HEPH: variants seen among roughly 807,000 people sequenced by gnomAD.
HEPH encodes hephaestin.
In HEPH, 69 loss-of-function variants were observed where a neutral mutation model predicts 80.8. The observed-to-expected ratio is 0.85, with a 90% confidence interval of 0.70 to 1.04. The LOEUF is 1.04. HEPH is among the 50% of genes least tolerant of loss of function. HEPH has a pLI of 0.00. For missense variants in HEPH, 1,115 were observed against 891.3 expected (o/e 1.25, Z -3.20); for synonymous variants, 431 against 322.8 (o/e 1.34, Z -3.60).
downstream of HEPH, chrX:66,268,093 A>G (rs1310816106): frequency 2.7e-5 from 3 of 112,287 alleles, no homozygotes; most frequent in Non-Finnish European, 5.6e-5. Context: ...GCTTATGGAC[A>G]TTAAGTAACT....
intron 20 of HEPH, among the ~76,000 whole-genome samples, chrX:66,264,398 T>A (rs2148250577): frequency 9.2e-6 from 1 of 109,185 alleles, no homozygotes; most frequent in African/African-American, 3.3e-5. Context: ...CATATGTTCT[T>A]CAACAGCTAT....
intron 15 of HEPH, among the ~76,000 whole-genome samples, chrX:66,223,965 C>T (rs1450609503): frequency 9.0e-6 from 1 of 111,448 alleles, no homozygotes; most frequent in Non-Finnish European, 1.9e-5. Flanking sequence ...CTTCGACATG[C>T]CTTAACTTTC....
At chrX:66,188,014 T>C (rs2087563567) in intron 4 of HEPH, among the ~76,000 whole-genome samples, 1 of 110,955 alleles carries the variant, frequency 9.0e-6, no homozygotes, top group Admixed American at 9.6e-5. Flanking sequence ...CATCAGGGTT[T>C]TGGAGGATTT....
At chrX:66,188,681 C>A (rs776425251) in intron 5 of HEPH, 140 bp downstream of exon 5, 5 of 471,321 alleles carry the variant, frequency 1.1e-5, no homozygotes, top group African/African-American at 4.9e-5. Context: ...ATGGCTCTTC[C>A]CTGTTTTACA....
At position 66,255,066 on chromosome X, in the gene HEPH, A is replaced by T; in HGVS notation, c.2595A>T (p.Pro865=). 1.7e-6 allele frequency: 2 copies of T among 1,207,570 alleles called. No individual in the cohort carries two copies. Among genetic ancestry groups the T allele is most frequent in the South Asian group, 3.5e-5 (2 of 56,391 alleles). ...GEVVTYQWNI[P]ERSGPGPNDS... ...TGGTCACTTATCAGTGGAACATCCC[A>T]GAGAGGTCTGGCCCTGGGCCCAATG... is the stretch of plus-strand genomic sequence containing the variant. Residue 865 remains proline, a synonymous_variant, in exon 16 of 21, where the codon CCA becomes CCT. Coordinates refer to ENST00000343002, the MANE Select transcript of HEPH (RefSeq NM_001367233.3).
intron 1 of HEPH, among the ~76,000 whole-genome samples, chrX:66,164,768 T>G (rs971523552): frequency 8.9e-6 from 1 of 112,190 alleles, no homozygotes; most frequent in Admixed American, 9.5e-5. Context: ...TTTCACAGGT[T>G]GAGGAATTTA....
intron 15 of HEPH, among the ~76,000 whole-genome samples, chrX:66,237,400 T>G (rs1342845484): frequency 8.9e-6 from 1 of 112,185 alleles, no homozygotes; most frequent in Admixed American, 9.5e-5. Flanking sequence ...AAAAAGTCAT[T>G]CAGAAGCAGG....
chrX:66,208,631 CATATATATATATATATATATAT>C (rs56924616), intron 15 of HEPH, among the ~76,000 whole-genome samples: 921 of 35,116 alleles, frequency 0.026, 29 homozygotes, highest in African/African-American at 0.056. Context: ...TATATACATA[CATATATATATATATATATATAT>C]ATATATATAT....
Position 66,255,146 on chromosome X carries a change from A to G in HEPH, c.2670+5A>G, listed in dbSNP as rs200900882. ...TCTGCAGTGGATCCCATCAAGGTAAATACAAGATTGGCTACCTGGAGGTGG... is the reference window on the plus strand; with the variant it reads ...TCTGCAGTGGATCCCATCAAGGTAAGTACAAGATTGGCTACCTGGAGGTGG... On this transcript the variant is annotated splice_donor_5th_base_variant and intron_variant, in intron 16 of 20. Transcript: ENST00000343002. 5.6e-4 allele frequency: 646 copies of G among 1,158,922 alleles called. 2 individuals are homozygous for G. Among genetic ancestry groups the G allele is most frequent in the Non-Finnish European group, 7.1e-4 (607 of 853,103 alleles).
intron 13 of HEPH, among the ~76,000 whole-genome samples, chrX:66,205,880 A>T (rs982890322): frequency 9.0e-6 from 1 of 111,273 alleles, no homozygotes; most frequent in South Asian, 3.8e-4. Context: ...AAAATGATGC[A>T]GTATAAGATG....
At chrX:66,213,848 G>A (rs1320168714) in intron 15 of HEPH, among the ~76,000 whole-genome samples, 3 of 112,226 alleles carry the variant, frequency 2.7e-5, no homozygotes, top group Non-Finnish European at 5.6e-5. Context: ...CAATAGCAAT[G>A]GGAATACAGA....
chrX:66,262,505 G>A (rs2091401929), intron 19 of HEPH, among the ~76,000 whole-genome samples: 1 of 111,689 alleles, frequency 9.0e-6, no homozygotes, highest in Non-Finnish European at 1.9e-5. Context: ...GCCACTCTGG[G>A]GGATGGGAAA....
chrX:66,250,704 G>T (rs1010268480), intron 15 of HEPH, among the ~76,000 whole-genome samples: 1 of 111,741 alleles, frequency 8.9e-6, no homozygotes, highest in Admixed American at 9.5e-5. Flanking sequence ...TTCACTCAGC[G>T]TAATTCTCTG....
At chrX:66,188,758 G>A (rs112534202) in intron 5 of HEPH, among the ~76,000 whole-genome samples, 1 of 112,311 alleles carries the variant, frequency 8.9e-6, no homozygotes, top group Non-Finnish European at 1.9e-5. Context: ...TCCAACCTTG[G>A]TCTCTCTGAC....
chrX:66,211,875 G>A (rs1602360374), intron 15 of HEPH, among the ~76,000 whole-genome samples: 1 of 111,455 alleles, frequency 9.0e-6, no homozygotes, highest in South Asian at 3.7e-4. Flanking sequence ...TTGCTGGATT[G>A]AATAGTAATT....
In HEPH at chrX:66,203,501, G is replaced by T. The variant is rs779347437; in HGVS notation, c.2215G>T (p.Ala739Ser). 3 of 1,211,872 alleles carry T rather than the reference G, an allele frequency of 2.5e-6. No homozygotes were observed. The South Asian group carries it at 5.3e-5, about 21-fold the overall frequency. ...YQAARIYYIM[A>S]EEVEWDYCPD... ...AGCTGCAAGAATCTACTATATCATGGCAGAAGAAGTAGAGTGGGACTATTG... is the reference window on the plus strand; with the variant it reads ...AGCTGCAAGAATCTACTATATCATGTCAGAAGAAGTAGAGTGGGACTATTG... The change falls in exon 13 of 21, where the codon GCA (alanine) becomes TCA (serine). Residue 739 changes from alanine to serine, a missense_variant. Coordinates refer to ENST00000343002, the MANE Select transcript of HEPH (RefSeq NM_001367233.3).
chrX:66,164,430 G>T lies in HEPH; in HGVS notation c.-54G>T. 2 of 753,509 alleles carry T rather than the reference G, an allele frequency of 2.7e-6. No homozygotes were observed. Among genetic ancestry groups the T allele is most frequent in the Non-Finnish European group, 3.1e-6 (2 of 638,612 alleles). The allele number at this position is 753,509 out of a possible 1,213,427, so 62.1% of individuals were successfully genotyped here. On this transcript the variant is annotated 5_prime_UTR_variant, in exon 1 of 21. The change abolishes an upstream ATG in the 5' untranslated region. Coordinates refer to ENST00000343002, the MANE Select transcript of HEPH (RefSeq NM_001367233.3). ...CTGGGGTCTGCAGTGCAGCATTAAT[G>T]GGCCGCTGACATGAATATGGAGTAG...
intron 4 of HEPH, among the ~76,000 whole-genome samples, chrX:66,177,495 T>C (rs1413903993): frequency 2.7e-5 from 3 of 112,049 alleles, no homozygotes; most frequent in Non-Finnish European, 3.8e-5. Context: ...TTTAGGTTTC[T>C]AGTTTATGTG....
intron 17 of HEPH, among the ~76,000 whole-genome samples, chrX:66,256,544 A>G (rs1043592040): frequency 8.9e-6 from 1 of 112,051 alleles, no homozygotes; most frequent in Admixed American, 9.5e-5. Flanking sequence ...TTGGGTGCCC[A>G]GAAAGCAGGA....
Sources: allele counts gnomAD v4.1 joint callset (sites outside exome capture counted in the v4.1 genomes callset), GRCh38; gene constraint gnomAD v4.1.1; transcripts MANE v1.5; gene names NCBI Gene and HGNC (gene_info 2026-07-23, HGNC 2026-07-21).